PCDH15: variants seen among roughly 807,000 people sequenced by gnomAD.
The protein encoded by PCDH15 is protocadherin-15.
In PCDH15, 129 loss-of-function variants were observed where a neutral mutation model predicts 178.5. That is an observed-to-expected ratio of 0.72 (90% confidence interval 0.63 to 0.84). The LOEUF is 0.84. Ranked by LOEUF, PCDH15 falls within the 40% of genes least tolerant of loss-of-function variation. The probability of loss-of-function intolerance (pLI) is 0.00; values close to 1 mark genes in which losing one functional copy is unlikely to be tolerated. For synonymous variants in PCDH15, 800 were observed against 732.0 expected (o/e 1.09, Z -1.50); for missense variants, 2,230 against 2,099.9 (o/e 1.06, Z -1.21).
intron 26 of PCDH15, among the ~76,000 whole-genome samples, chr10:53,867,385 G>T (rs1163955461): frequency 6.6e-6 from 1 of 151,976 alleles, no homozygotes; most frequent in Non-Finnish European, 1.5e-5. Flanking sequence ...GAAGGATATC[G>T]AATTTTCCCA....
At chr10:54,470,157 T>C (rs761459760) in intron 3 of PCDH15, among the ~76,000 whole-genome samples, 12 of 152,154 alleles carry the variant, frequency 7.9e-5, no homozygotes, top group Non-Finnish European at 1.2e-4. Context: ...TGGCAGAAGC[T>C]GCACTTGCAG....
intron 3 of PCDH15, among the ~76,000 whole-genome samples, chr10:54,504,316 G>C (rs1191280798): frequency 6.6e-6 from 1 of 152,014 alleles, no homozygotes; most frequent in African/African-American, 2.4e-5. Flanking sequence ...TGCCAACTTG[G>C]TCTTTTTGTC....
chr10:54,098,397 C>A (rs2094742513), intron 15 of PCDH15, among the ~76,000 whole-genome samples: 1 of 151,948 alleles, frequency 6.6e-6, no homozygotes, highest in Non-Finnish European at 1.5e-5. Context: ...CATGAATATT[C>A]ATTGCTAACA....
chr10:54,701,328 G>A (rs1235002296), intron 1 of PCDH15, among the ~76,000 whole-genome samples: 1 of 152,028 alleles, frequency 6.6e-6, no homozygotes, highest in Non-Finnish European at 1.5e-5. Context: ...GGAAAGGAAA[G>A]ACTGTTACAA....
At chr10:54,965,709 C>G (rs1415259550) in intron 2 of PCDH15, among the ~76,000 whole-genome samples, 2 of 149,854 alleles carry the variant, frequency 1.3e-5, no homozygotes, top group Non-Finnish European at 3.0e-5. Flanking sequence ...AAGAAAACCA[C>G]ATTTAATTTG....
At chr10:54,725,565 T>TAA (rs1566049183) in intron 1 of PCDH15, among the ~76,000 whole-genome samples, 3 of 135,912 alleles carry the variant, frequency 2.2e-5, no homozygotes, top group African/African-American at 7.8e-5. Flanking sequence ...TATATATATA[T>TAA]AATTGGAAAC....
At chr10:55,362,619 G>T (rs1222094584) in intron 2 of PCDH15, among the ~76,000 whole-genome samples, 1 of 152,008 alleles carries the variant, frequency 6.6e-6, no homozygotes, top group African/African-American at 2.4e-5. Flanking sequence ...GCCTTAATCA[G>T]AATTCATCAC....
At chr10:54,787,318 A>T (rs1950977868) in intron 1 of PCDH15, among the ~76,000 whole-genome samples, 1 of 151,980 alleles carries the variant, frequency 6.6e-6, no homozygotes, top group Non-Finnish European at 1.5e-5. Context: ...ATGCTTTGTG[A>T]CAGTTACACA....
chr10:55,002,431 A>G (rs756019286), intron 2 of PCDH15, among the ~76,000 whole-genome samples: 1 of 152,200 alleles, frequency 6.6e-6, no homozygotes, highest in African/African-American at 2.4e-5. Context: ...ACATTTTTTA[A>G]TGCTTTGCTC....
chr10:55,550,303 G>T (rs1841978700), intron 2 of PCDH15, among the ~76,000 whole-genome samples: 1 of 152,062 alleles, frequency 6.6e-6, no homozygotes, highest in Non-Finnish European at 1.5e-5. Flanking sequence ...CTCATTTAAG[G>T]AGATGTTACT....
At chr10:55,456,058 T>A (rs1224876518) in intron 2 of PCDH15, among the ~76,000 whole-genome samples, 1 of 152,250 alleles carries the variant, frequency 6.6e-6, no homozygotes, top group East Asian at 1.9e-4. Context: ...GTGGGCGTGA[T>A]AGGGCATATG....
At chr10:54,161,816 AT>A (rs1242580049) in intron 13 of PCDH15, among the ~76,000 whole-genome samples, 2 of 151,958 alleles carry the variant, frequency 1.3e-5, no homozygotes, top group Non-Finnish European at 2.9e-5. Context: ...TTGCACAAGT[AT>A]TTTTTCCCTG....
At chr10:55,545,024 T>A (rs1322133788) in intron 2 of PCDH15, among the ~76,000 whole-genome samples, 3 of 152,158 alleles carry the variant, frequency 2.0e-5, no homozygotes, top group Non-Finnish European at 4.4e-5. Context: ...TATACTTTTT[T>A]AAAGTGTATC....
intron 2 of PCDH15, among the ~76,000 whole-genome samples, chr10:55,591,219 G>A (rs1842836374): frequency 6.6e-6 from 1 of 152,020 alleles, no homozygotes; most frequent in Non-Finnish European, 1.5e-5. Context: ...CAGCTCCTGA[G>A]TCCAGAAGTT....
intron 1 of PCDH15, among the ~76,000 whole-genome samples, chr10:55,301,093 T>C (rs939756019): frequency 2.0e-5 from 3 of 152,174 alleles, no homozygotes; most frequent in African/African-American, 7.2e-5. Context: ...TGCATTAACA[T>C]AAATTTTTAT....
At chr10:54,033,510 G>T (rs567779636) in intron 18 of PCDH15, among the ~76,000 whole-genome samples, 1 of 151,970 alleles carries the variant, frequency 6.6e-6, no homozygotes, top group Admixed American at 6.6e-5. Flanking sequence ...CATAAGCATT[G>T]TTCTTTCAGC....
intron 2 of PCDH15, among the ~76,000 whole-genome samples, chr10:55,430,313 G>C (rs1223472361): frequency 6.6e-6 from 1 of 151,974 alleles, no homozygotes; most frequent in African/African-American, 2.4e-5. Context: ...ATAGTTGAAA[G>C]TGAGAGGAAT....
At chr10:54,644,790 A>G (rs904854256) in intron 2 of PCDH15, among the ~76,000 whole-genome samples, 3 of 152,160 alleles carry the variant, frequency 2.0e-5, no homozygotes, top group Non-Finnish European at 2.9e-5. Context: ...CAACATTAAG[A>G]GGTTGGGCCC....
intron 21 of PCDH15, among the ~76,000 whole-genome samples, chr10:53,981,732 G>C (rs1195158071): frequency 4.6e-5 from 7 of 150,616 alleles, no homozygotes; most frequent in African/African-American, 1.7e-4. Context: ...GAAAACCTAG[G>C]CATTACCATT....
Sources: allele counts gnomAD v4.1 joint callset (sites outside exome capture counted in the v4.1 genomes callset), GRCh38; gene constraint gnomAD v4.1.1; transcripts MANE v1.5; gene names NCBI Gene and HGNC (gene_info 2026-07-23, HGNC 2026-07-21).